The following NUP205 variants were observed in gnomAD, a reference collection of about 807,000 sequenced individuals.
NUP205 encodes the protein nuclear pore complex protein Nup205.
NUP205 carries 76 observed loss-of-function variants against 253.8 expected under a neutral mutation model. The ratio of observed to expected loss-of-function variants is 0.30; its 90% CI spans 0.25 to 0.36. NUP205 has a LOEUF of 0.36. Ranked by LOEUF, NUP205 falls within the 10% of genes least tolerant of loss-of-function variation. The pLI, the probability that NUP205 is intolerant of heterozygous loss-of-function variation, is 1.00. For synonymous variants in NUP205, 832 were observed against 850.1 expected (o/e 0.98, Z 0.37); for missense variants, 2,162 against 2,425.5 (o/e 0.89, Z 2.28).
intron 41 of NUP205, 86 bp from the exon 42 acceptor site, chr7:135,646,069 ATTG>A: frequency 1.2e-6 from 1 of 835,472 alleles, no homozygotes; most frequent in Middle Eastern, 2.2e-4. Flanking sequence ...TCATGGTGCT[ATTG>A]TTATTATTCA....
chr7:135,586,322 A>G (rs977004797), intron 8 of NUP205, among the ~76,000 whole-genome samples: 1 of 151,934 alleles, frequency 6.6e-6, no homozygotes, highest in Non-Finnish European at 1.5e-5. Context: ...CTTCTCCCCC[A>G]GTTCTTAGTT....
intron 10 of NUP205, among the ~76,000 whole-genome samples, chr7:135,591,166 A>G (rs533763786): frequency 2.0e-5 from 3 of 152,140 alleles, no homozygotes; most frequent in Admixed American, 1.3e-4. Flanking sequence ...AGTAAATGTC[A>G]CATGTCTTAT....
At chr7:135,634,695 A>G (rs1220349627) in intron 35 of NUP205, among the ~76,000 whole-genome samples, 1 of 152,146 alleles carries the variant, frequency 6.6e-6, no homozygotes, top group Non-Finnish European at 1.5e-5. Flanking sequence ...GGAGACTCTC[A>G]GAGGAGTTGA....
Position 135,618,493 on chromosome 7 carries a change from T to C in NUP205, c.3853T>C (p.Ser1285Pro), listed in dbSNP as rs1333322979. Reference sequence around the variant, plus strand: ...TCATGCAAAACGTCATGCTCTGGAGTCGTGGAGGCAACTAGTAGAAATTAT... The same window carrying C: ...TCATGCAAAACGTCATGCTCTGGAGCCGTGGAGGCAACTAGTAGAAATTAT... ...CLHAKRHALE[S>P]WRQLVEIILT... Residue 1285 changes from serine (S) to proline (P), a missense_variant, in exon 28 of 43, where the codon TCG (serine) becomes CCG (proline). Physicochemically the swap from Ser to Pro is moderately conservative, Grantham distance 74. Transcript: ENST00000285968. The C allele has an allele frequency of 6.2e-7, 1 of 1,613,948 alleles. No individual in the cohort carries two copies. Among genetic ancestry groups the C allele is most frequent in the Non-Finnish European group, 8.5e-7 (1 of 1,179,954 alleles).
At chr7:135,612,986 T>C (rs183520844) in intron 22 of NUP205, among the ~76,000 whole-genome samples, 5 of 152,210 alleles carry the variant, frequency 3.3e-5, no homozygotes, top group Admixed American at 3.3e-4. Context: ...CTCAGAAGGC[T>C]GAGCTGGGAG....
intron 38 of NUP205, among the ~76,000 whole-genome samples, chr7:135,640,758 A>G (rs940695271): frequency 6.6e-6 from 1 of 152,236 alleles, no homozygotes; most frequent in African/African-American, 2.4e-5. Context: ...GTCTTAGGTG[A>G]CAGGATGTCT....
chr7:135,575,789 C>CA (rs976439296), intron 3 of NUP205, among the ~76,000 whole-genome samples: 4 of 148,796 alleles, frequency 2.7e-5, no homozygotes, highest in Non-Finnish European at 6.0e-5. Flanking sequence ...GACTCCATCT[C>CA]AAAAAAAAAG....
intron 25 of NUP205, 31 bp downstream of exon 25, chr7:135,616,757 T>A: frequency 7.5e-7 from 1 of 1,333,794 alleles, no homozygotes. Context: ...AATAAATTTA[T>A]TTTATAGACA....
chr7:135,582,173 C>T (rs1264811184), intron 7 of NUP205, among the ~76,000 whole-genome samples: 4 of 152,088 alleles, frequency 2.6e-5, no homozygotes, highest in African/African-American at 9.7e-5. Context: ...GTCATCCTAC[C>T]TTCTCAGGAG....
Position 135,591,348 on chromosome 7 carries a change from A to G in NUP205, c.1474-102A>G, listed in dbSNP as rs912704733. 1.6e-5 allele frequency: 15 copies of G among 950,820 alleles called. No individual in the cohort carries two copies. The Admixed American group carries it at 3.6e-4, about 23-fold the overall frequency. The allele number at this position is 950,820 out of a possible 1,614,324, so 58.9% of individuals were successfully genotyped here. On this transcript the variant is annotated intron_variant, in intron 10 of 42. Transcript: ENST00000285968. ...ATTTGTCTGTTGCGAGGGTTAAGTCAGAGCACTACTTTTAGTTTATATGTA... is the reference window on the plus strand; with the variant it reads ...ATTTGTCTGTTGCGAGGGTTAAGTCGGAGCACTACTTTTAGTTTATATGTA...
At chr7:135,562,246 G>A (rs191249961) in intron 1 of NUP205, among the ~76,000 whole-genome samples, 4 of 152,148 alleles carry the variant, frequency 2.6e-5, no homozygotes, top group Admixed American at 1.3e-4. Flanking sequence ...GCCCAGACTG[G>A]AGTGCGGTGG....
intron 40 of NUP205, 67 bp downstream of exon 40, chr7:135,645,085 ATAT>A: frequency 6.4e-7 from 1 of 1,569,442 alleles, no homozygotes; most frequent in Non-Finnish European, 8.7e-7. Flanking sequence ...ACTTATTCTC[ATAT>A]TATTTGGGCA....
Position 135,578,900 on chromosome 7 carries a change from C to T in NUP205, c.1027C>T (p.Leu343=), listed in dbSNP as rs779440929. ...WALALRGISQ[L]PDVTALAEFT... is the part of the protein sequence containing the mutation. ...GCTGGCATTGAGGGGAATATCCCAG[C>T]TACCTGATGTGACAGGTGAATTGAT... Residue 343 remains leucine, a synonymous_variant, in exon 7 of 43, where the codon CTA becomes TTA. Transcript: ENST00000285968. 6.3e-7 allele frequency: 1 copy of T among 1,595,906 alleles called. No individual in the cohort carries two copies. Among genetic ancestry groups the T allele is most frequent in the Non-Finnish European group, 8.5e-7 (1 of 1,174,570 alleles).
At chr7:135,574,065 C>T (rs151120779) in intron 3 of NUP205, among the ~76,000 whole-genome samples, 553 of 152,072 alleles carry the variant, frequency 3.6e-3, no homozygotes, top group Middle Eastern at 0.01. Context: ...CTCCACTTAC[C>T]GGGTTCAAGT....
chr7:135,629,406 C>T (rs929945610), intron 34 of NUP205, among the ~76,000 whole-genome samples: 11 of 150,842 alleles, frequency 7.3e-5, no homozygotes, highest in African/African-American at 1.9e-4. Flanking sequence ...TTTGGGAAGC[C>T]AAGGTGGGAG....
intron 7 of NUP205, among the ~76,000 whole-genome samples, 172 bp downstream of exon 7, chr7:135,579,087 G>A (rs1806232514): frequency 6.6e-6 from 1 of 152,046 alleles, no homozygotes; most frequent in Non-Finnish European, 1.5e-5. Context: ...TTTTCTCCTT[G>A]TCTCTCAAAA....
chr7:135,565,404 T>G (rs890961800), intron 1 of NUP205, among the ~76,000 whole-genome samples: 14 of 152,024 alleles, frequency 9.2e-5, no homozygotes, highest in Non-Finnish European at 2.1e-4. Context: ...CCTCCTGTAC[T>G]GCCCTCATCC....
intron 12 of NUP205, 88 bp from the exon 13 acceptor site, chr7:135,594,459 G>C: frequency 9.7e-7 from 1 of 1,031,686 alleles, no homozygotes; most frequent in South Asian, 1.6e-5. Flanking sequence ...TGAGGACTCA[G>C]TATAAATGAT....
chr7:135,619,714 T>A, intron 29 of NUP205, 24 bp downstream of exon 29: 1 of 1,599,732 alleles, frequency 6.3e-7, no homozygotes. Context: ...AAATTGTCTA[T>A]AAATTCTATC....
Sources: gnomAD v4.1 joint callset for allele counts (sites outside exome capture counted in the v4.1 genomes callset) on GRCh38, gnomAD v4.1.1 for gene constraint, MANE v1.5 for transcripts, NCBI Gene and HGNC (gene_info 2026-07-23, HGNC 2026-07-21) for gene names.